HS3ST4: variants seen among roughly 807,000 people sequenced by gnomAD.
HS3ST4 encodes the protein heparan sulfate-glucosamine 3-sulfotransferase 4, also known as heparan sulfate glucosamine 3-O-sulfotransferase 4.
HS3ST4 carries 17 observed loss-of-function variants against 29.2 expected under a neutral mutation model. That is an observed-to-expected ratio of 0.58 (90% CI 0.40 to 0.87). The LOEUF (loss-of-function observed/expected upper bound fraction) is 0.87, where lower values mean the gene tolerates loss of function less well. HS3ST4 is among the 40% of genes least tolerant of loss of function. HS3ST4 has a pLI of 0.00. For missense variants in HS3ST4, 627 were observed against 634.5 expected (o/e 0.99, Z 0.13); for synonymous variants, 314 against 285.7 (o/e 1.10, Z -1.00).
At chr16:26,048,819 C>T (rs1375182550) in intron 1 of HS3ST4, among the ~76,000 whole-genome samples, 2 of 152,016 alleles carry the variant, frequency 1.3e-5, no homozygotes, top group African/African-American at 2.4e-5. Flanking sequence ...GGTGACAGAG[C>T]GAGACCCTGT....
At chr16:25,878,341 G>T (rs1967854554) in intron 1 of HS3ST4, among the ~76,000 whole-genome samples, 1 of 152,080 alleles carries the variant, frequency 6.6e-6, no homozygotes, top group Non-Finnish European at 1.5e-5. Flanking sequence ...ATCATTCCCA[G>T]ATTCTTTAAC....
chr16:25,981,445 G>A (rs1194892795), intron 1 of HS3ST4, among the ~76,000 whole-genome samples: 5 of 152,062 alleles, frequency 3.3e-5, no homozygotes, highest in African/African-American at 7.2e-5. Context: ...CTTACTCTTG[G>A]AGAGTCAAGG....
rs539223609 is a variant in HS3ST4, at chr16:26,024,678, G to A, written c.735-110934G>A. Among the ~76,000 whole-genome samples the A allele has an allele frequency of 2.3e-3, 357 of 152,292 alleles. 5 individuals are homozygous for A. Among genetic ancestry groups the A allele is most frequent in the African/African-American group, 8.4e-3 (350 of 41,552 alleles). The stretch of plus-strand genomic sequence containing the variant: ...ACCCAGGAGGCAGAGACTGCAGTGA[G>A]CCAAGATCGTGCCACTGCCCTCCAG... On this transcript the variant is annotated intron_variant, in intron 1 of 1. Coordinates refer to ENST00000331351, the MANE Select transcript of HS3ST4 (RefSeq NM_006040.3).
intron 1 of HS3ST4, among the ~76,000 whole-genome samples, chr16:25,842,745 A>G (rs983435407): frequency 1.3e-5 from 2 of 152,222 alleles, no homozygotes; most frequent in Non-Finnish European, 2.9e-5. Flanking sequence ...ATCTGATCCT[A>G]TAGACACTCT....
At chr16:25,800,342 G>T (rs932815255) in intron 1 of HS3ST4, among the ~76,000 whole-genome samples, 1 of 151,836 alleles carries the variant, frequency 6.6e-6, no homozygotes, top group Admixed American at 6.6e-5. Flanking sequence ...TTTTCTGTTA[G>T]CTGGTAACAC....
chr16:25,924,415 C>T (rs74015246), intron 1 of HS3ST4, among the ~76,000 whole-genome samples: 3,353 of 152,232 alleles, frequency 0.022, 130 homozygotes, highest in African/African-American at 0.073. Context: ...TCCCCACATC[C>T]GGGGGACCTT....
intron 1 of HS3ST4, among the ~76,000 whole-genome samples, chr16:25,999,183 C>G (rs1969182880): frequency 6.6e-6 from 1 of 152,008 alleles, no homozygotes; most frequent in Admixed American, 6.6e-5. Flanking sequence ...GTAGGTTCAC[C>G]TTAGGCAGGT....
intron 1 of HS3ST4, among the ~76,000 whole-genome samples, chr16:25,796,598 A>C (rs1966887479): frequency 6.6e-6 from 1 of 152,192 alleles, no homozygotes; most frequent in Non-Finnish European, 1.5e-5. Context: ...TTTTACATCT[A>C]CCACTGATGC....
intron 1 of HS3ST4, among the ~76,000 whole-genome samples, chr16:25,917,315 C>G (rs1434245909): frequency 1.3e-5 from 2 of 152,110 alleles, no homozygotes; most frequent in African/African-American, 4.8e-5. Flanking sequence ...CAGGTTCAAG[C>G]GATTCTCCTG....
rs914066796 is a variant in HS3ST4 at position 26,004,291 on chromosome 16, T to C, written c.735-131321T>C. Among the ~76,000 whole-genome samples, 17 of 152,184 alleles carry C rather than the reference T, an allele frequency of 1.1e-4. 1 individual carries two copies. Among genetic ancestry groups the C allele is most frequent in the Non-Finnish European group, 7.3e-5 (5 of 68,038 alleles). ...TGCACTTCTCTCTCTGAGCAACAGG[T>C]ACACTTTTTTTCTCTAACATTGATC... is the stretch of plus-strand genomic sequence containing the variant. On this transcript the variant is annotated intron_variant, in intron 1 of 1. Transcript: ENST00000331351.
chr16:25,845,872 C>T (rs1967461562), intron 1 of HS3ST4, among the ~76,000 whole-genome samples: 1 of 151,990 alleles, frequency 6.6e-6, no homozygotes, highest in African/African-American at 2.4e-5. Flanking sequence ...CTCTTTTTCT[C>T]TGCATTATCT....
At chr16:25,759,523 G>A (rs1281225134) in intron 1 of HS3ST4, among the ~76,000 whole-genome samples, 1 of 152,218 alleles carries the variant, frequency 6.6e-6, no homozygotes, top group Admixed American at 6.5e-5. Flanking sequence ...AGATTATAAT[G>A]GTGGAGTGGG....
intron 1 of HS3ST4, among the ~76,000 whole-genome samples, chr16:25,961,391 T>G (rs1291438571): frequency 2.0e-5 from 3 of 152,198 alleles, no homozygotes; most frequent in African/African-American, 4.8e-5. Context: ...ACTCATGCCT[T>G]TTATGCATTT....
chr16:25,788,537 C>CTT (rs1966861174), intron 1 of HS3ST4, among the ~76,000 whole-genome samples: 3 of 70,200 alleles, frequency 4.3e-5, no homozygotes, highest in African/African-American at 9.5e-5. Context: ...TTTTTCTTTT[C>CTT]TTCTTTCTTT....
chr16:25,812,648 C>T (rs917474928), intron 1 of HS3ST4, among the ~76,000 whole-genome samples: 2 of 152,070 alleles, frequency 1.3e-5, no homozygotes, highest in African/African-American at 4.8e-5. Context: ...CATGCAGTAT[C>T]CCACTCAATC....
chr16:26,104,492 C>A (rs1050312078), intron 1 of HS3ST4, among the ~76,000 whole-genome samples: 2 of 152,108 alleles, frequency 1.3e-5, no homozygotes, highest in African/African-American at 2.4e-5. Flanking sequence ...TAAGCAGATG[C>A]CTCTTTTGGA....
intron 1 of HS3ST4, among the ~76,000 whole-genome samples, chr16:25,790,782 A>G (rs1966867453): frequency 6.6e-6 from 1 of 152,140 alleles, no homozygotes; most frequent in African/African-American, 2.4e-5. Flanking sequence ...TGTTCTTTAC[A>G]TATTCTGGGT....
At position 25,697,181 on chromosome 16, in the gene HS3ST4, A is replaced by G. The variant is rs1596546410; in HGVS notation, c.734+4030A>G. ...TTAGGTACTGGGGATAAAATGGTGA[A>G]TAAGATAGATGAAGCACCTGTTCTC... On this transcript the variant is annotated intron_variant, in intron 1 of 1. Transcript: ENST00000331351. Among the ~76,000 whole-genome samples the G allele has an allele frequency of 2.6e-5, 4 of 152,348 alleles. No individual in the cohort carries two copies. The South Asian group carries it at 6.2e-4, about 24-fold the overall frequency.
At chr16:25,864,950 A>G (rs936144074) in intron 1 of HS3ST4, among the ~76,000 whole-genome samples, 1 of 147,616 alleles carries the variant, frequency 6.8e-6, no homozygotes, top group African/African-American at 2.5e-5. Context: ...ACACACATAT[A>G]TATATACATA....
Sources: allele counts gnomAD v4.1 joint callset (sites outside exome capture counted in the v4.1 genomes callset), GRCh38; gene constraint gnomAD v4.1.1; transcripts MANE v1.5; gene names NCBI Gene and HGNC (gene_info 2026-07-23, HGNC 2026-07-21).